Variants in TRPM3 observed in about 807,000 individuals in gnomAD.
TRPM3 encodes long transient receptor potential channel 3.
Under a neutral mutation model 181.2 loss-of-function variants are expected in TRPM3, and 77 were observed. That is an observed-to-expected ratio of 0.42 (90% CI 0.35 to 0.51). TRPM3 has a LOEUF of 0.51. Among genes scored for constraint, TRPM3 ranks in the 20% least tolerant of loss-of-function variants. The pLI, the probability that TRPM3 is intolerant of heterozygous loss-of-function variation, is 0.01. For synonymous variants in TRPM3, 745 were observed against 796.4 expected, an observed-to-expected ratio of 0.94 and a Z score of 1.09; for missense variants, 1,759 against 2,196.7, an observed-to-expected ratio of 0.80 and a Z score of 3.98.
intron 1 of TRPM3, among the ~76,000 whole-genome samples, chr9:71,126,891 T>G (rs2074065899): frequency 6.6e-6 from 1 of 152,180 alleles, no homozygotes; most frequent in Non-Finnish European, 1.5e-5. Context: ...AAATTCTACC[T>G]AAGACTGAGG....
chr9:70,817,768 G>A (rs2092829982), intron 6 of TRPM3, among the ~76,000 whole-genome samples: 1 of 151,746 alleles, frequency 6.6e-6, no homozygotes, highest in African/African-American at 2.4e-5. Context: ...CCCAGTCTTG[G>A]CCTCTCTTTA....
intron 1 of TRPM3, among the ~76,000 whole-genome samples, chr9:71,398,577 GCT>G (rs1220274863): frequency 3.9e-5 from 6 of 152,076 alleles, no homozygotes; most frequent in Admixed American, 1.3e-4. Context: ...ACTTCCCCCA[GCT>G]CTCTCTTCTG....
At chr9:70,872,441 C>T (rs1044365941) in intron 1 of TRPM3, among the ~76,000 whole-genome samples, 3 of 151,914 alleles carry the variant, frequency 2.0e-5, no homozygotes, top group African/African-American at 7.2e-5. Context: ...CCTGTCATTC[C>T]TGTACCTGGA....
intron 9 of TRPM3, among the ~76,000 whole-genome samples, chr9:70,661,132 T>A (rs1330318667): frequency 7.9e-6 from 1 of 126,758 alleles, no homozygotes; most frequent in Non-Finnish European, 1.7e-5. Context: ...GTTTAACATA[T>A]GCAAGTCAAG....
chr9:70,861,307 A>C (rs1433738547), intron 3 of TRPM3, among the ~76,000 whole-genome samples: 3 of 152,132 alleles, frequency 2.0e-5, no homozygotes, highest in Non-Finnish European at 4.4e-5. Context: ...CATTTGGACA[A>C]TGGCAGCATC....
intron 8 of TRPM3, among the ~76,000 whole-genome samples, chr9:70,695,455 C>T (rs746344691): frequency 2.0e-5 from 3 of 152,188 alleles, no homozygotes; most frequent in Non-Finnish European, 4.4e-5. Context: ...CTCTCTCTCC[C>T]TTTGTGGCAG....
chr9:70,576,923 T>A (rs1193243649), intron 22 of TRPM3, among the ~76,000 whole-genome samples: 5 of 152,240 alleles, frequency 3.3e-5, no homozygotes, highest in Non-Finnish European at 7.3e-5. Context: ...TCTCTCTGTC[T>A]GGAATGTTCC....
chr9:71,429,453 A>G (rs967501261), intron 1 of TRPM3, among the ~76,000 whole-genome samples: 1 of 152,168 alleles, frequency 6.6e-6, no homozygotes, highest in African/African-American at 2.4e-5. Context: ...TAAATGATTC[A>G]ATATATGTAG....
intron 1 of TRPM3, among the ~76,000 whole-genome samples, chr9:71,299,640 G>A (rs1449149636): frequency 6.6e-6 from 1 of 152,098 alleles, no homozygotes; most frequent in African/African-American, 2.4e-5. Flanking sequence ...GCAATGGTTA[G>A]TTATATTCTG....
At chr9:71,283,037 G>T (rs1194702911) in intron 1 of TRPM3, among the ~76,000 whole-genome samples, 1 of 151,998 alleles carries the variant, frequency 6.6e-6, no homozygotes, top group Non-Finnish European at 1.5e-5. Flanking sequence ...TCAAATTGTG[G>T]TAAAATACAC....
At chr9:71,333,795 T>A (rs1180228332) in intron 1 of TRPM3, among the ~76,000 whole-genome samples, 2 of 152,072 alleles carry the variant, frequency 1.3e-5, no homozygotes, top group Non-Finnish European at 2.9e-5. Flanking sequence ...AAACAGTAGA[T>A]ACCTAATACA....
chr9:71,356,584 G>T (rs1253836832), intron 1 of TRPM3, among the ~76,000 whole-genome samples: 4 of 151,950 alleles, frequency 2.6e-5, no homozygotes, highest in African/African-American at 2.4e-5. Flanking sequence ...GTAAAAATGG[G>T]GATAATAATT....
intron 1 of TRPM3, among the ~76,000 whole-genome samples, chr9:71,411,580 C>T (rs142562604): frequency 0.024 from 3,715 of 152,202 alleles, 91 homozygotes; most frequent in African/African-American, 0.059. Flanking sequence ...AACTACAAAC[C>T]ACTGCTCAAC....
At chr9:71,316,737 C>T (rs1214217356) in intron 1 of TRPM3, among the ~76,000 whole-genome samples, 35 of 152,134 alleles carry the variant, frequency 2.3e-4, no homozygotes, top group Admixed American at 2.3e-3. Flanking sequence ...CAGTGAGAGT[C>T]ACTTAGGCTT....
rs117056903 is a variant in TRPM3, at chr9:71,116,869, G to A, written c.177+4309C>T. Among the ~76,000 whole-genome samples, 743 of 152,144 alleles carry A rather than the reference G, an allele frequency of 4.9e-3. 19 individuals are homozygous for A. The East Asian group carries it at 0.078, about 16-fold the overall frequency. ...ATTTGCTTCAAAGAATTCTGCTATC[G>A]GACACTCCATGGGGCTCATCCTCAT... On this transcript the variant is annotated intron_variant, in intron 1 of 25. Transcript: ENST00000677713.
intron 8 of TRPM3, among the ~76,000 whole-genome samples, chr9:70,682,544 A>C (rs966805092): frequency 6.6e-6 from 1 of 152,158 alleles, no homozygotes; most frequent in African/African-American, 2.4e-5. Flanking sequence ...AGATTGTCAC[A>C]GAGTCCATAG....
intron 5 of TRPM3, among the ~76,000 whole-genome samples, chr9:70,835,579 C>T (rs1038272495): frequency 6.6e-6 from 1 of 151,894 alleles, no homozygotes; most frequent in East Asian, 1.9e-4. Context: ...ACCTTTGACC[C>T]GAATACCATC....
At chr9:70,822,205 T>C (rs2093234331) in intron 6 of TRPM3, among the ~76,000 whole-genome samples, 2 of 152,248 alleles carry the variant, frequency 1.3e-5, no homozygotes, top group Admixed American at 1.3e-4. Flanking sequence ...GTGCATGTTC[T>C]TTATTTCTGC....
chr9:70,682,360 T>C (rs1205668536), intron 8 of TRPM3, among the ~76,000 whole-genome samples: 1 of 152,122 alleles, frequency 6.6e-6, no homozygotes, highest in Non-Finnish European at 1.5e-5. Flanking sequence ...TAGATATAGA[T>C]GGAGAAATTA....
Sources: allele counts gnomAD v4.1 joint callset (sites outside exome capture counted in the v4.1 genomes callset), GRCh38; gene constraint gnomAD v4.1.1; transcripts MANE v1.5; gene names NCBI Gene and HGNC (gene_info 2026-07-23, HGNC 2026-07-21).